The following IYD variants were observed in gnomAD, a reference collection of about 807,000 sequenced individuals.
The protein encoded by IYD is iodotyrosine deiodinase 1.
In IYD, 25 loss-of-function variants were observed where a neutral mutation model predicts 28.4. The ratio of observed to expected loss-of-function variants is 0.88; its 90% confidence interval spans 0.64 to 1.23. The LOEUF is 1.23. Ranked by LOEUF, IYD falls within the 50% of genes most tolerant of loss-of-function variation. The pLI, the probability that IYD is intolerant of heterozygous loss-of-function variation, is 0.00. For synonymous variants in IYD, 140 were observed against 130.8 expected, an observed-to-expected ratio of 1.07 and a Z score of -0.48; for missense variants, 352 against 357.9, an observed-to-expected ratio of 0.98 and a Z score of 0.13.
chr6:150,398,457 A>G lies in IYD; in HGVS notation c.*220A>G. The G allele has an allele frequency of 1.8e-6, 1 of 565,956 alleles. No homozygotes were observed. The highest frequency in any genetic ancestry group is 3.1e-6 in the Non-Finnish European group (1 of 317,904). 35.1% of individuals were successfully genotyped at this position (565,956 alleles called of 1,614,324 possible). A position where few individuals can be genotyped will look rare whatever the true frequency, so the allele number is the denominator to read the frequency against. ...TTATCCACTTTGGAAATGCATGAACACTTTACAAAGAACATGCCCGGGTTT... is the reference window on the plus strand; with the variant it reads ...TTATCCACTTTGGAAATGCATGAACGCTTTACAAAGAACATGCCCGGGTTT... On this transcript the variant is annotated 3_prime_UTR_variant, in exon 5 of 5. Transcript: ENST00000344419.
chr6:150,380,496 C>T (rs970132747), intron 1 of IYD, among the ~76,000 whole-genome samples: 2 of 152,086 alleles, frequency 1.3e-5, no homozygotes, highest in African/African-American at 2.4e-5. Context: ...ACTTACATAA[C>T]CCAAGGGTTA....
chr6:150,381,517 A>G (rs1454885503), intron 1 of IYD, among the ~76,000 whole-genome samples: 1 of 152,218 alleles, frequency 6.6e-6, no homozygotes, highest in Non-Finnish European at 1.5e-5. Flanking sequence ...GAACAGCTTA[A>G]CAAATAAGTA....
intron 3 of IYD, 54 bp from the exon 4 acceptor site, chr6:150,394,045 A>C: frequency 6.4e-7 from 1 of 1,562,690 alleles, no homozygotes; most frequent in Non-Finnish European, 8.8e-7. Context: ...AAGGTAGTAA[A>C]AGAGAACAAA....
At position 150,397,993 on chromosome 6, in the gene IYD, T is replaced by G. The variant is rs2115064796; in HGVS notation, c.688-62T>G. The G allele has an allele frequency of 4.7e-6, 7 of 1,501,636 alleles. No individual in the cohort carries two copies. In the South Asian group the frequency reaches 7.9e-5, roughly 17 times the overall value. 93.0% of individuals were successfully genotyped at this position (1,501,636 alleles called of 1,614,324 possible). On this transcript the variant is annotated intron_variant, in intron 4 of 4. Transcript: ENST00000344419. Reference sequence around the variant, plus strand: ...AATCAGGACAAGAAGGTCCCCAGGTTAGAGGGAGAGCAGTCATTCTGCCTG... The same window carrying G: ...AATCAGGACAAGAAGGTCCCCAGGTGAGAGGGAGAGCAGTCATTCTGCCTG...
At chr6:150,372,978 C>T (rs951575243) in intron 1 of IYD, among the ~76,000 whole-genome samples, 3 of 152,100 alleles carry the variant, frequency 2.0e-5, no homozygotes, top group Non-Finnish European at 2.9e-5. Flanking sequence ...CCCACAAATC[C>T]TCTAGTTAGG....
At chr6:150,383,407 C>T (rs576404565) in intron 1 of IYD, among the ~76,000 whole-genome samples, 59 of 152,178 alleles carry the variant, frequency 3.9e-4, no homozygotes, top group Non-Finnish European at 7.2e-4. Flanking sequence ...CATTTGAATG[C>T]TGGTCTACCT....
chr6:150,371,128 G>T (rs1187592010), intron 1 of IYD, among the ~76,000 whole-genome samples: 1 of 152,234 alleles, frequency 6.6e-6, no homozygotes, highest in Non-Finnish European at 1.5e-5. Flanking sequence ...TAGAGAAAGG[G>T]AGGAGCTGTG....
chr6:150,398,543 A>C lies in IYD; in HGVS notation c.*306A>C, dbSNP rs1778411762. ...GGCTTTTTTCTTTTATTTTTAAAAAACTCACATAGAGGAGACAATCAGAAA... is the reference window on the plus strand; with the variant it reads ...GGCTTTTTTCTTTTATTTTTAAAAACCTCACATAGAGGAGACAATCAGAAA... On this transcript the variant is annotated 3_prime_UTR_variant, in exon 5 of 5. Coordinates refer to ENST00000344419, the MANE Select transcript of IYD (RefSeq NM_203395.3). The C allele has an allele frequency of 3.4e-6, 1 of 291,644 alleles. No individual in the cohort carries two copies. Among genetic ancestry groups the C allele is most frequent in the Admixed American group, 4.7e-5 (1 of 21,312 alleles). 18.1% of individuals were successfully genotyped at this position (291,644 alleles called of 1,614,324 possible). A position where few individuals can be genotyped will look rare whatever the true frequency, so the allele number is the denominator to read the frequency against.
At position 150,388,626 on chromosome 6, in the gene IYD, T is replaced by TCTTTCTTTC. The variant is rs1365065110; in HGVS notation, c.179-726_179-725insCTTTCTTTC. On this transcript the variant is annotated intron_variant, in intron 1 of 4. Transcript: ENST00000344419. ...TTTTTCTAGATTTATAGTCTGGAGT[T>TCTTTCTTTC]TTTGCTTTCTTTCTTTCTTTCTTTC... 2.4e-3 allele frequency among the ~76,000 whole-genome samples: 327 copies of TCTTTCTTTC among 136,744 alleles called. 3 individuals are homozygous for TCTTTCTTTC. Among genetic ancestry groups the TCTTTCTTTC allele is most frequent in the East Asian group, 0.014 (63 of 4,464 alleles). The allele number at this position is 136,744 out of a possible 152,430, so 89.7% of individuals were successfully genotyped here.
intron 1 of IYD, among the ~76,000 whole-genome samples, chr6:150,370,853 T>C (rs1437032815): frequency 6.6e-6 from 1 of 152,068 alleles, no homozygotes; most frequent in African/African-American, 2.4e-5. Flanking sequence ...GGAATGAGGA[T>C]CCAGCTTAAA....
chr6:150,383,717 C>T (rs528093887), intron 1 of IYD, among the ~76,000 whole-genome samples: 2 of 146,518 alleles, frequency 1.4e-5, no homozygotes, highest in Non-Finnish European at 3.0e-5. Context: ...AATCCCAGCA[C>T]TTTGGGAGGC....
At chr6:150,378,109 T>A (rs1037649431) in intron 1 of IYD, among the ~76,000 whole-genome samples, 27 of 152,218 alleles carry the variant, frequency 1.8e-4, no homozygotes, top group African/African-American at 6.5e-4. Context: ...GAATTCCACC[T>A]GGAGAATGGC....
chr6:150,384,890 C>T (rs1035962346), intron 1 of IYD: 10 of 152,092 alleles, frequency 6.6e-5, no homozygotes, highest in African/African-American at 2.4e-4. Context: ...CTTGGTGAAG[C>T]TTTTAGTGCA....
At chr6:150,393,296 G>A (rs988436362) in intron 3 of IYD, among the ~76,000 whole-genome samples, 22 of 152,278 alleles carry the variant, frequency 1.4e-4, no homozygotes, top group East Asian at 9.7e-4. Flanking sequence ...CTTCTAAAGC[G>A]TTACCATTTT....
rs149396571 is a variant in IYD, at chr6:150,399,602, C to T, written c.*1365C>T. Reference sequence around the variant, plus strand: ...CCTGTGCGTTTCTTCTTCTTGTCCTCATTTTCCTTGAGAAAACTCTCTCTA... The same window carrying T: ...CCTGTGCGTTTCTTCTTCTTGTCCTTATTTTCCTTGAGAAAACTCTCTCTA... On this transcript the variant is annotated 3_prime_UTR_variant, in exon 5 of 5. Coordinates refer to ENST00000344419, the MANE Select transcript of IYD (RefSeq NM_203395.3). 3 of 152,346 alleles carry T rather than the reference C, an allele frequency of 2.0e-5. No homozygotes were observed. Among genetic ancestry groups the T allele is most frequent in the East Asian group, 3.9e-4 (2 of 5,178 alleles). The allele number at this position is 152,346 out of a possible 1,614,324, so 9.4% of individuals were successfully genotyped here. A position where few individuals can be genotyped will look rare whatever the true frequency, so the allele number is the denominator to read the frequency against.
At chr6:150,394,981 C>T (rs962647133) in intron 4 of IYD, among the ~76,000 whole-genome samples, 1 of 152,208 alleles carries the variant, frequency 6.6e-6, no homozygotes, top group African/African-American at 2.4e-5. Flanking sequence ...GCAGGCACCA[C>T]CATGCTAATT....
At chr6:150,371,197 T>G (rs572536797) in intron 1 of IYD, among the ~76,000 whole-genome samples, 1 of 152,218 alleles carries the variant, frequency 6.6e-6, no homozygotes, top group Non-Finnish European at 1.5e-5. Context: ...TAGCTCTTAA[T>G]GTATGCAATC....
At chr6:150,396,072 T>G (rs78134050) in intron 4 of IYD, 28,316 of 220,890 alleles carry the variant, frequency 0.13, 3,961 homozygotes, top group African/African-American at 0.37. Flanking sequence ...CGTAGCTCTA[T>G]AATTTTAAAG....
At chr6:150,387,731 C>T (rs1158148479) in intron 1 of IYD, among the ~76,000 whole-genome samples, 1 of 152,086 alleles carries the variant, frequency 6.6e-6, no homozygotes, top group Non-Finnish European at 1.5e-5. Flanking sequence ...TGCTAGTCAA[C>T]CATCCTTTTA....
Sources: gnomAD v4.1 joint callset for allele counts (sites outside exome capture counted in the v4.1 genomes callset) on GRCh38, gnomAD v4.1.1 for gene constraint, MANE v1.5 for transcripts, NCBI Gene and HGNC (gene_info 2026-07-23, HGNC 2026-07-21) for gene names.